Variants in MYO18B observed in about 807,000 individuals in gnomAD.
MYO18B encodes myosin XVIIIB.
A neutral mutation model predicts 273.0 loss-of-function variants in MYO18B; 204 were observed. The observed-to-expected ratio is 0.75, with a 90% CI of 0.67 to 0.84. The LOEUF is 0.84. MYO18B is among the 40% of genes least tolerant of loss of function. The pLI, the probability that MYO18B is intolerant of heterozygous loss-of-function variation, is 0.00. For synonymous variants in MYO18B, 1,330 were observed against 1,305.7 expected, an observed-to-expected ratio of 1.02 and a Z score of -0.40; for missense variants, 3,212 against 3,287.6, an observed-to-expected ratio of 0.98 and a Z score of 0.56.
chr22:25,769,876 G>T (rs1302080708), intron 4 of MYO18B, among the ~76,000 whole-genome samples: 7 of 149,516 alleles, frequency 4.7e-5, no homozygotes, highest in African/African-American at 1.7e-4. Context: ...TTTTTTTTGA[G>T]ACGGAGTCTT....
At chr22:25,891,268 C>T in intron 26 of MYO18B, 36 bp from the exon 27 acceptor site, 1 of 1,433,638 alleles carries the variant, frequency 7.0e-7, no homozygotes, top group Non-Finnish European at 9.6e-7. Flanking sequence ...TGTCTTCTGT[C>T]CAGCTCTAGT....
At chr22:25,945,797 C>G (rs1381074863) in intron 34 of MYO18B, among the ~76,000 whole-genome samples, 2 of 396 alleles carry the variant, frequency 5.1e-3, no homozygotes, top group Non-Finnish European at 0.016. Context: ...CCCTCCCCTC[C>G]CCTCGCCTCC....
chr22:26,029,663 A>G (rs1372584974), intron 43 of MYO18B, among the ~76,000 whole-genome samples: 2 of 152,134 alleles, frequency 1.3e-5, no homozygotes, highest in Non-Finnish European at 2.9e-5. Context: ...TTTCAGCTAT[A>G]CAATGCAACA....
intron 12 of MYO18B, among the ~76,000 whole-genome samples, chr22:25,813,401 C>A (rs549311162): frequency 6.6e-6 from 1 of 152,062 alleles, no homozygotes; most frequent in East Asian, 1.9e-4. Flanking sequence ...AAGCCCTCAC[C>A]TTCCAAGATG....
chr22:26,008,393 C>G (rs951692354), intron 42 of MYO18B, among the ~76,000 whole-genome samples: 5 of 152,176 alleles, frequency 3.3e-5, no homozygotes, highest in African/African-American at 9.7e-5. Flanking sequence ...ATACCCGCTC[C>G]CATATTACCT....
chr22:25,955,396 G>T (rs373018937), intron 39 of MYO18B, 32 bp downstream of exon 39: 2 of 1,581,724 alleles, frequency 1.3e-6, no homozygotes, highest in African/African-American at 1.4e-5. Context: ...GGCTCTTAGC[G>T]ACTGAGGGTT....
intron 7 of MYO18B, among the ~76,000 whole-genome samples, chr22:25,775,884 T>TAAAA (rs35877157): frequency 8.8e-5 from 13 of 147,498 alleles, no homozygotes; most frequent in Non-Finnish European, 1.5e-4. Flanking sequence ...AGCAGGGACT[T>TAAAA]AAAAAAAAAA....
chr22:25,894,753 G>A (rs1172031609), intron 27 of MYO18B: 1 of 157,026 alleles, frequency 6.4e-6, no homozygotes, highest in Non-Finnish European at 1.4e-5. Flanking sequence ...GTATCAACAT[G>A]TAGGGGAATC....
intron 42 of MYO18B, among the ~76,000 whole-genome samples, chr22:26,017,207 T>C (rs367595148): frequency 4.0e-5 from 6 of 151,732 alleles, no homozygotes; most frequent in African/African-American, 1.5e-4. Flanking sequence ...TTCCTTCTTT[T>C]TTTAAATTTG....
At chr22:25,835,582 T>C in intron 17 of MYO18B, 139 bp downstream of exon 17, 3 of 1,034,042 alleles carry the variant, frequency 2.9e-6, no homozygotes, top group South Asian at 1.5e-5. Flanking sequence ...TGAGCCTGTG[T>C]ATGCTTTCAT....
the MYO18B span, among the ~76,000 whole-genome samples, chr22:26,052,012 A>G: frequency 3.3e-5 from 5 of 152,222 alleles, no homozygotes; most frequent in African/African-American, 7.2e-5. Flanking sequence ...TTTTGCTTCT[A>G]TCATGTTGTA....
rs533387913 is a variant in MYO18B, at chr22:25,882,005, AAT to A, written c.4314+3959_4314+3960del. ...CTCCCTTCATCCTCTTCACCTGGTT[AAT>A]ACCTCTTCATCCCTTGTCACTCATT... On this transcript the variant is annotated intron_variant, in intron 25 of 43. Coordinates refer to ENST00000335473, the MANE Select transcript of MYO18B (RefSeq NM_032608.7). Among the ~76,000 whole-genome samples the A allele has an allele frequency of 9.8e-4, 149 of 152,234 alleles. 1 individual carries two copies. The highest frequency in any genetic ancestry group is 1.3e-3 in the Admixed American group (20 of 15,290).
chr22:26,046,749 A>G, the MYO18B span, among the ~76,000 whole-genome samples: 2 of 152,190 alleles, frequency 1.3e-5, no homozygotes, highest in Non-Finnish European at 2.9e-5. Flanking sequence ...GTGGCTCCCT[A>G]TGTCATTCCA....
chr22:26,059,199 ACT>A, the MYO18B span, among the ~76,000 whole-genome samples: 9 of 152,198 alleles, frequency 5.9e-5, no homozygotes, highest in South Asian at 1.5e-3. Flanking sequence ...TTCTGTCAAG[ACT>A]CTTCCAGCCA....
intron 10 of MYO18B, 111 bp from the exon 11 acceptor site, chr22:25,785,316 GC>G: frequency 1.0e-6 from 1 of 971,780 alleles, no homozygotes; most frequent in Non-Finnish European, 1.6e-6. Context: ...GACAGGGACA[GC>G]CCCTGGGGTG....
intron 21 of MYO18B, among the ~76,000 whole-genome samples, chr22:25,857,786 T>C (rs1432507513): frequency 6.6e-6 from 1 of 152,240 alleles, no homozygotes; most frequent in Non-Finnish European, 1.5e-5. Context: ...CCTGAGTAGC[T>C]GGGACTACAG....
intron 1 of MYO18B, among the ~76,000 whole-genome samples, chr22:25,757,030 C>CG (rs1345975764): frequency 6.6e-6 from 1 of 151,950 alleles, no homozygotes; most frequent in Non-Finnish European, 1.5e-5. Flanking sequence ...CACTGCTCTC[C>CG]GACTTGGGCA....
At chr22:25,837,971 C>A (rs2089956897) in intron 17 of MYO18B, among the ~76,000 whole-genome samples, 1 of 152,032 alleles carries the variant, frequency 6.6e-6, no homozygotes, top group African/African-American at 2.4e-5. Context: ...CAGATTGTCC[C>A]ATCACTCAGG....
At chr22:25,869,120 G>A (rs1004832360) in intron 22 of MYO18B, among the ~76,000 whole-genome samples, 4 of 152,104 alleles carry the variant, frequency 2.6e-5, no homozygotes, top group African/African-American at 9.7e-5. Context: ...CAAGGACCAA[G>A]GAGTGGGGGC....
Sources: gnomAD v4.1 joint callset for allele counts (sites outside exome capture counted in the v4.1 genomes callset) on GRCh38, gnomAD v4.1.1 for gene constraint, MANE v1.5 for transcripts, NCBI Gene and HGNC (gene_info 2026-07-23, HGNC 2026-07-21) for gene names.